Variants in SCN4A observed in about 807,000 individuals in gnomAD.
SCN4A encodes the protein sodium voltage-gated channel alpha subunit 4, also known as sodium channel protein type 4 subunit alpha.
A neutral mutation model predicts 162.0 loss-of-function variants in SCN4A; 83 were observed. That is an observed-to-expected ratio of 0.51 (90% CI 0.43 to 0.61). The LOEUF is 0.61. SCN4A is among the 20% of genes least tolerant of loss of function. SCN4A has a pLI of 0.00. For missense variants in SCN4A, 2,196 were observed against 2,462.5 expected, an observed-to-expected ratio of 0.89 and a Z score of 2.29; for synonymous variants, 944 against 985.1, an observed-to-expected ratio of 0.96 and a Z score of 0.78.
Position 63,944,892 on chromosome 17 carries a change from T to C in SCN4A, c.3775-82A>G. The C allele has an allele frequency of 3.8e-6, 6 of 1,594,406 alleles. No homozygotes were observed. The South Asian group carries it at 6.7e-5, about 18-fold the overall frequency. On this transcript the variant is annotated intron_variant, in intron 20 of 23. Coordinates refer to ENST00000435607, the MANE Select transcript of SCN4A (RefSeq NM_000334.4). This position sits in a 1 kb window ranked among gnomAD's most constrained non-coding sequence, Gnocchi z 4.3. ...CCCACAGCCCTGAGGGCAGGACCCATCCACCCCCAGGGCTGCCAAGTCTCG... is the reference window on the plus strand; with the variant it reads ...CCCACAGCCCTGAGGGCAGGACCCACCCACCCCCAGGGCTGCCAAGTCTCG...
chr17:63,955,249 C>T (rs1343254537), intron 13 of SCN4A, among the ~76,000 whole-genome samples: 1 of 152,130 alleles, frequency 6.6e-6, no homozygotes, highest in African/African-American at 2.4e-5. Flanking sequence ...CATGGGGTGG[C>T]TGAGAGAATT....
intron 22 of SCN4A, among the ~76,000 whole-genome samples, 161 bp downstream of exon 22, chr17:63,943,585 C>T (rs1010607067): frequency 2.6e-5 from 4 of 152,098 alleles, no homozygotes; most frequent in Non-Finnish European, 2.9e-5. Flanking sequence ...AAAGAGGCGT[C>T]CCTCCCTGCA....
In SCN4A at chr17:63,961,182, C is replaced by A. The variant is rs761523703; in HGVS notation, c.1845+11G>T. 21 of 1,331,196 alleles carry A rather than the reference C, an allele frequency of 1.6e-5. No homozygotes were observed. The African/African-American group carries it at 2.2e-4, about 14-fold the overall frequency. 82.5% of individuals were successfully genotyped at this position (1,331,196 alleles called of 1,614,324 possible). A position where few individuals can be genotyped will look rare whatever the true frequency, so the allele number is the denominator to read the frequency against. ...TGCCCATGAATGATCCCCTCCCCCG[C>A]CCCTCCCTACCAGGTTGCCCACAGT... On this transcript the variant is annotated intron_variant, in intron 11 of 23. Coordinates refer to ENST00000435607, the MANE Select transcript of SCN4A (RefSeq NM_000334.4).
chr17:63,951,629 G>A lies in SCN4A; in HGVS notation c.2648C>T (p.Pro883Leu). ...ATTGTCCTTCTTCAGGTCCTCCTCG[G>A]GCGGCTCCTTCTTCTCATCCTCGGG... Reference protein sequence around the residue: ...TAPEDEKKEPPEEDLKKDNHI... With the variant: ...TAPEDEKKEPLEEDLKKDNHI... The change falls in exon 14 of 24, where the codon CCC (proline) becomes CTC (leucine). Residue 883 changes from proline to leucine, a missense_variant. Pro to Leu is a moderately conservative substitution (Grantham distance 98, BLOSUM62 -3). Coordinates refer to ENST00000435607, the MANE Select transcript of SCN4A (RefSeq NM_000334.4). The surrounding 1 kb of genome is among the most constrained non-coding windows in gnomAD (Gnocchi z 4.5). 6.2e-7 allele frequency: 1 copy of A among 1,612,956 alleles called. No individual in the cohort carries two copies. Among genetic ancestry groups the A allele is most frequent in the African/African-American group, 1.3e-5 (1 of 74,988 alleles).
chr17:63,943,245 T>A, intron 22 of SCN4A, 149 bp from the exon 23 acceptor site: 1 of 931,206 alleles, frequency 1.1e-6, no homozygotes, highest in Non-Finnish European at 1.6e-6. Flanking sequence ...AGAAAGGAGG[T>A]GTTGGGGGTT....
intron 12 of SCN4A, 52 bp from the exon 13 acceptor site, chr17:63,957,570 G>C: frequency 1.6e-6 from 2 of 1,280,308 alleles, no homozygotes; most frequent in Non-Finnish European, 2.2e-6. Context: ...CACCACCCAA[G>C]GCAGCCCCAG....
Position 63,945,416 on chromosome 17 carries a change from T to G in SCN4A, c.3664A>C (p.Asn1222His), listed in dbSNP as rs1567818041. The part of the protein sequence containing the change: ...LMHTGQVRWL[N>H]VKVNYDNVGL... Reference sequence around the variant, plus strand: ...ACGTTGTCGTAGTTGACCTTGACATTGAGCCAGCGGACCTGGCCTGTGTGC... The same window carrying G: ...ACGTTGTCGTAGTTGACCTTGACATGGAGCCAGCGGACCTGGCCTGTGTGC... Residue 1222 changes from asparagine to histidine, a missense_variant, in exon 19 of 24, where the codon AAT becomes CAT. Asn to His is a moderately conservative substitution (Grantham distance 68, BLOSUM62 1). Transcript: ENST00000435607. This position sits in a 1 kb window ranked among gnomAD's most constrained non-coding sequence, Gnocchi z 4.4. 8 of 1,613,700 alleles carry G rather than the reference T, an allele frequency of 5.0e-6. No individual in the cohort carries two copies. The highest frequency in any genetic ancestry group is 1.3e-5 in the African/African-American group (1 of 74,904).
chr17:63,940,830 G>A lies in SCN4A; in HGVS notation c.5452C>T (p.Pro1818Ser). 1 of 1,608,340 alleles carries A rather than the reference G, an allele frequency of 6.2e-7. No individual in the cohort carries two copies. ...MPISPSDTAW[P>S]PAPPPGQTVR... ...GTCTGCCCTGGGGGAGGGGCGGGAG[G>A]CCAGGCAGTGTCTGAGGGGCTGATG... Residue 1818 changes from proline to serine, a missense_variant, in exon 24 of 24, where the codon CCT (proline) becomes TCT (serine). Pro to Ser is a moderately conservative substitution (Grantham distance 74). Transcript: ENST00000435607.
At chr17:63,942,022 C>G in intron 23 of SCN4A, 29 bp from the exon 24 acceptor site, 1 of 1,532,092 alleles carries the variant, frequency 6.5e-7, no homozygotes, top group South Asian at 1.3e-5. Context: ...GAGGACGCTG[C>G]CACTGGGGAG....
chr17:63,945,162 C>T lies in SCN4A; in HGVS notation c.3721-102G>A. The T allele has an allele frequency of 7.9e-7, 1 of 1,262,866 alleles. No individual in the cohort carries two copies. 78.2% of individuals were successfully genotyped at this position (1,262,866 alleles called of 1,614,324 possible). ...CAACCTGGTCCTCCCCTGCCAGAGG[C>T]CGCCTGCCAGAGCCCCACTGGGCTA... is the stretch of plus-strand genomic sequence containing the variant. On this transcript the variant is annotated intron_variant, in intron 19 of 23. Coordinates refer to ENST00000435607, the MANE Select transcript of SCN4A (RefSeq NM_000334.4). This position sits in a 1 kb window ranked among gnomAD's most constrained non-coding sequence, Gnocchi z 4.4.
chr17:63,968,412 C>G, intron 5 of SCN4A, 57 bp from the exon 6 acceptor site: 2 of 1,407,818 alleles, frequency 1.4e-6, no homozygotes, highest in Non-Finnish European at 1.9e-6. Flanking sequence ...GATAACAGAG[C>G]CCCCGCGGCC....
At chr17:63,967,256 G>A (rs1909478336) in intron 6 of SCN4A, among the ~76,000 whole-genome samples, 1 of 152,048 alleles carries the variant, frequency 6.6e-6, no homozygotes, top group South Asian at 2.1e-4. Context: ...AGGTTCAAGC[G>A]ATTCTCCTGC....
intron 11 of SCN4A, 57 bp from the exon 12 acceptor site, chr17:63,959,495 G>T (rs976740190): frequency 6.5e-6 from 10 of 1,540,076 alleles, no homozygotes; most frequent in Admixed American, 3.7e-5. Flanking sequence ...GGCCCTGGAA[G>T]TCTCCCACCC....
rs746012374 is a variant in SCN4A at position 63,945,329 on chromosome 17, G to A, written c.3720+31C>T. 1.5e-5 allele frequency: 24 copies of A among 1,588,342 alleles called. No homozygotes were observed. The South Asian group carries it at 2.4e-4, about 16-fold the overall frequency. The stretch of plus-strand genomic sequence containing the variant: ...CGGGGTGGGGGGCACCTCCATCCAG[G>A]TTCCCGGCAGGGGTGGTGGGTCACA... On this transcript the variant is annotated intron_variant, in intron 19 of 23. Transcript: ENST00000435607. This position sits in a 1 kb window ranked among gnomAD's most constrained non-coding sequence, Gnocchi z 4.4.
rs753038756 is a variant in SCN4A, at chr17:63,940,490, CAG to C, written c.*279_*280del. The C allele has an allele frequency of 6.4e-5, 26 of 408,602 alleles. No individual in the cohort carries two copies. The highest frequency in any genetic ancestry group is 1.2e-4 in the Admixed American group (3 of 25,248). The allele number at this position is 408,602 out of a possible 1,614,324, so 25.3% of individuals were successfully genotyped here. A position where few individuals can be genotyped will look rare whatever the true frequency, so the allele number is the denominator to read the frequency against. The stretch of plus-strand genomic sequence containing the variant: ...TCCCCCAGGCCAAAAGGAGGGGCGA[CAG>C]GGCCCAGAGGAGGTCAGAGCAACTT... On this transcript the variant is annotated 3_prime_UTR_variant, in exon 24 of 24. Coordinates refer to ENST00000435607, the MANE Select transcript of SCN4A (RefSeq NM_000334.4).
At chr17:63,968,403 A>G (rs1177222633) in intron 5 of SCN4A, 48 bp from the exon 6 acceptor site, 1 of 1,497,900 alleles carries the variant, frequency 6.7e-7, no homozygotes, top group East Asian at 2.3e-5. Context: ...GGGCAGGGTG[A>G]TAACAGAGCC....
Position 63,951,566 on chromosome 17 carries a change from G to C in SCN4A, c.2711C>G (p.Pro904Arg), listed in dbSNP as rs867372759. ...AAGGTGGTCCAGCTCGAGGCTGGAT[G>C]GGGGGCCGTCAGCCAGGCCCATGTG... ...LNHMGLADGP[P>R]SSLELDHLNF... The change falls in exon 14 of 24, where the codon CCA (proline) becomes CGA (arginine). Residue 904 changes from proline to arginine, a missense_variant. Physicochemically the swap from Pro to Arg is moderately radical, Grantham distance 103. Transcript: ENST00000435607. This position sits in a 1 kb window ranked among gnomAD's most constrained non-coding sequence, Gnocchi z 4.5. 42 of 1,613,764 alleles carry C rather than the reference G, an allele frequency of 2.6e-5. No homozygotes were observed. Among genetic ancestry groups the C allele is most frequent in the African/African-American group, 4.0e-5 (3 of 74,910 alleles).
At chr17:63,958,783 C>G (rs1349425049) in intron 12 of SCN4A, among the ~76,000 whole-genome samples, 1 of 152,196 alleles carries the variant, frequency 6.6e-6, no homozygotes. Flanking sequence ...GAACTCCTGA[C>G]CTCAGGTGAT....
At position 63,945,351 on chromosome 17, in the gene SCN4A, C is replaced by A. The variant is rs9303466; in HGVS notation, c.3720+9G>T. The stretch of plus-strand genomic sequence containing the variant: ...CAGGTTCCCGGCAGGGGTGGTGGGT[C>A]ACACTCACCACCTGCAGGAGGGAGA... On this transcript the variant is annotated intron_variant, in intron 19 of 23. Transcript: ENST00000435607. This position sits in a 1 kb window ranked among gnomAD's most constrained non-coding sequence, Gnocchi z 4.4. 1.4e-3 allele frequency: 2,189 copies of A among 1,603,558 alleles called. 29 individuals are homozygous for A. In the African/African-American group the frequency reaches 0.025, roughly 18 times the overall value.
Sources: allele counts gnomAD v4.1 joint callset (sites outside exome capture counted in the v4.1 genomes callset), GRCh38; gene constraint gnomAD v4.1.1; non-coding constraint Gnocchi (gnomAD v3.1); transcripts MANE v1.5; gene names NCBI Gene and HGNC (gene_info 2026-07-23, HGNC 2026-07-21).